Variants in NOL4 observed in about 807,000 individuals in gnomAD.
The protein encoded by NOL4 is cancer/testis antigen 125.
NOL4 carries 17 observed loss-of-function variants against 75.9 expected under a neutral mutation model. The ratio of observed to expected loss-of-function variants is 0.22; its 90% CI spans 0.15 to 0.34. The LOEUF (loss-of-function observed/expected upper bound fraction) is 0.34, where lower values mean the gene tolerates loss of function less well. Among genes scored for constraint, NOL4 ranks in the 10% least tolerant of loss-of-function variants. The pLI is 1.00. For synonymous variants in NOL4, 292 were observed against 289.9 expected (o/e 1.01, Z -0.07); for missense variants, 614 against 793.5 (o/e 0.77, Z 2.72).
intron 5 of NOL4, among the ~76,000 whole-genome samples, chr18:34,066,699 A>AC (rs955401468): frequency 6.6e-6 from 1 of 151,680 alleles, no homozygotes; most frequent in African/African-American, 2.4e-5. Context: ...AAAAAAAAAA[A>AC]AACAACACTG....
intron 9 of NOL4, among the ~76,000 whole-genome samples, chr18:33,941,358 C>T (rs1438101477): frequency 1.3e-5 from 2 of 151,962 alleles, no homozygotes; most frequent in Middle Eastern, 3.4e-3. Flanking sequence ...TAGGGATATT[C>T]TAGAATGTAC....
chr18:34,167,553 T>C (rs1011290690), intron 1 of NOL4, among the ~76,000 whole-genome samples: 2 of 151,948 alleles, frequency 1.3e-5, no homozygotes, highest in East Asian at 3.9e-4. Flanking sequence ...GATAGATAGA[T>C]AGATAGATAG....
intron 6 of NOL4, among the ~76,000 whole-genome samples, chr18:33,996,143 T>C (rs1029025264): frequency 4.6e-5 from 7 of 151,844 alleles, no homozygotes; most frequent in South Asian, 2.1e-4. Flanking sequence ...TATTCAAAAT[T>C]GTCCTGGAGA....
At chr18:33,969,825 A>G (rs2070905043) in intron 6 of NOL4, among the ~76,000 whole-genome samples, 1 of 152,200 alleles carries the variant, frequency 6.6e-6, no homozygotes, top group African/African-American at 2.4e-5. Flanking sequence ...TCATTTAAAA[A>G]TAAATCCTTT....
At chr18:34,050,094 C>T (rs1235606903) in intron 5 of NOL4, among the ~76,000 whole-genome samples, 1 of 152,062 alleles carries the variant, frequency 6.6e-6, no homozygotes, top group African/African-American at 2.4e-5. Flanking sequence ...TAAATTTTTG[C>T]TAATGTGTGC....
chr18:34,119,413 C>T (rs2080015410), intron 2 of NOL4, among the ~76,000 whole-genome samples: 2 of 152,244 alleles, frequency 1.3e-5, no homozygotes, highest in African/African-American at 4.8e-5. Flanking sequence ...CCTATCAATC[C>T]TGCAGTACTG....
intron 1 of NOL4, among the ~76,000 whole-genome samples, chr18:34,164,676 A>G (rs1351950063): frequency 2.6e-5 from 4 of 152,102 alleles, no homozygotes; most frequent in Admixed American, 1.3e-4. Context: ...TGTGGAAGTC[A>G]GTGTGGCGAT....
At chr18:33,926,358 CAAAAAAAAA>C (rs67803985) in intron 9 of NOL4, among the ~76,000 whole-genome samples, 2 of 46,530 alleles carry the variant, frequency 4.3e-5, no homozygotes, top group South Asian at 1.5e-3. Context: ...GACTCCATCT[CAAAAAAAAA>C]AAAAAAAAAA....
intron 5 of NOL4, among the ~76,000 whole-genome samples, chr18:34,082,995 A>G (rs923713183): frequency 2.0e-5 from 3 of 152,228 alleles, no homozygotes; most frequent in African/African-American, 7.2e-5. Flanking sequence ...GGAAATCCCA[A>G]GAAATACTCC....
At chr18:34,170,898 A>G (rs2032968010) in intron 1 of NOL4, among the ~76,000 whole-genome samples, 1 of 152,200 alleles carries the variant, frequency 6.6e-6, no homozygotes, top group South Asian at 2.1e-4. Flanking sequence ...AACACTAAAT[A>G]TATAATGAGT....
chr18:34,058,074 T>G (rs558772598), intron 5 of NOL4, among the ~76,000 whole-genome samples: 148 of 152,280 alleles, frequency 9.7e-4, no homozygotes, highest in Admixed American at 1.4e-3. Context: ...GCTCCTCACT[T>G]TAACAGGCCT....
chr18:34,162,334 C>T (rs1421293028), intron 1 of NOL4, among the ~76,000 whole-genome samples: 2 of 152,032 alleles, frequency 1.3e-5, no homozygotes, highest in Non-Finnish European at 2.9e-5. Flanking sequence ...AATTGATAGA[C>T]CGCTAGCAAG....
rs556251308 is a variant in NOL4, at chr18:34,029,067, G to A, written c.773-9466C>T. Among the ~76,000 whole-genome samples, 40 of 152,150 alleles carry A rather than the reference G, an allele frequency of 2.6e-4. No homozygotes were observed. In the South Asian group the frequency reaches 4.2e-3, roughly 16 times the overall value. On this transcript the variant is annotated intron_variant, in intron 5 of 10. Transcript: ENST00000261592. ...CAGAGAAAGCCAAGTAGGGAGACAC[G>A]TAGAAACAGAAAAGATAAGGGAACT... is the stretch of plus-strand genomic sequence containing the variant.
intron 6 of NOL4, among the ~76,000 whole-genome samples, chr18:33,976,628 T>C (rs1264506939): frequency 6.6e-6 from 1 of 152,150 alleles, no homozygotes; most frequent in Non-Finnish European, 1.5e-5. Context: ...ACTTTGATGT[T>C]TGATGATGAA....
intron 6 of NOL4, among the ~76,000 whole-genome samples, chr18:34,014,854 A>G (rs2146363950): frequency 6.6e-6 from 1 of 152,172 alleles, no homozygotes; most frequent in East Asian, 1.9e-4. Flanking sequence ...ACATAGTCCA[A>G]CTCAACTATT....
intron 8 of NOL4, among the ~76,000 whole-genome samples, chr18:33,956,035 C>T (rs2069621582): frequency 6.6e-6 from 1 of 152,036 alleles, no homozygotes; most frequent in Admixed American, 6.6e-5. Context: ...TCTCATAATG[C>T]AAATTCAGGA....
chr18:34,024,101 T>TGACCTAC (rs1456513603), intron 5 of NOL4, among the ~76,000 whole-genome samples: 2 of 149,870 alleles, frequency 1.3e-5, no homozygotes, highest in Non-Finnish European at 3.0e-5. Flanking sequence ...CCAAAGTACC[T>TGACCTAC]GACCTACTTT....
Position 34,224,494 on chromosome 18 carries a change from A to T in NOL4, c.-1241T>A, listed in dbSNP as rs2146667845. Reference sequence around the variant, plus strand: ...CCATCCATTTGTTTCCAGAGCTGGAAATAGGGGAGTTCCCATCCTCCTCGC... The same window carrying T: ...CCATCCATTTGTTTCCAGAGCTGGATATAGGGGAGTTCCCATCCTCCTCGC... On this transcript the variant is annotated 5_prime_UTR_variant, in exon 1 of 11. Coordinates refer to ENST00000261592, the MANE Select transcript of NOL4 (RefSeq NM_003787.5). 6.6e-6 allele frequency: 1 copy of T among 152,454 alleles called. No homozygotes were observed. The highest frequency in any genetic ancestry group is 6.5e-5 in the Admixed American group (1 of 15,310). 9.4% of individuals were successfully genotyped at this position (152,454 alleles called of 1,614,324 possible).
At chr18:34,214,790 C>T (rs997115321) in intron 1 of NOL4, among the ~76,000 whole-genome samples, 2 of 152,018 alleles carry the variant, frequency 1.3e-5, no homozygotes, top group African/African-American at 4.8e-5. Context: ...AATGGACAAA[C>T]AAAATGGCAT....
Sources: allele counts gnomAD v4.1 joint callset (sites outside exome capture counted in the v4.1 genomes callset), GRCh38; gene constraint gnomAD v4.1.1; transcripts MANE v1.5; gene names NCBI Gene and HGNC (gene_info 2026-07-23, HGNC 2026-07-21).